The following NRG3 variants were observed in gnomAD, a reference collection of about 807,000 sequenced individuals.
NRG3 encodes pro-neuregulin-3, membrane-bound isoform.
A neutral mutation model predicts 66.9 loss-of-function variants in NRG3; 31 were observed. The ratio of observed to expected loss-of-function variants is 0.46; its 90% CI spans 0.35 to 0.63. NRG3 has a LOEUF of 0.63. NRG3 is among the 20% of genes least tolerant of loss of function. The pLI is 0.00. For synonymous variants in NRG3, 393 were observed against 359.4 expected (o/e 1.09, Z -1.06); for missense variants, 910 against 878.9 (o/e 1.04, Z -0.45).
At chr10:82,472,635 A>G (rs1841374664) in intron 2 of NRG3, among the ~76,000 whole-genome samples, 1 of 152,180 alleles carries the variant, frequency 6.6e-6, no homozygotes, top group Non-Finnish European at 1.5e-5. Context: ...ACCTCAGGGG[A>G]GACATTTAAA....
At chr10:82,357,776 G>C (rs1345399457) in intron 1 of NRG3, among the ~76,000 whole-genome samples, 1 of 152,134 alleles carries the variant, frequency 6.6e-6, no homozygotes, top group East Asian at 1.9e-4. Flanking sequence ...ATGGAATTTG[G>C]GAGACACATT....
intron 1 of NRG3, among the ~76,000 whole-genome samples, chr10:82,343,974 C>A (rs1399213053): frequency 1.3e-5 from 2 of 152,104 alleles, no homozygotes; most frequent in Non-Finnish European, 1.5e-5. Context: ...TCCATACATA[C>A]TTTCCAGACA....
At chr10:82,593,799 A>T (rs891344206) in intron 2 of NRG3, among the ~76,000 whole-genome samples, 2 of 152,064 alleles carry the variant, frequency 1.3e-5, no homozygotes, top group Non-Finnish European at 1.5e-5. Flanking sequence ...CATATATTGA[A>T]CATATATGTC....
intron 3 of NRG3, among the ~76,000 whole-genome samples, chr10:82,758,210 T>A (rs1591430222): frequency 6.6e-6 from 1 of 152,116 alleles, no homozygotes; most frequent in East Asian, 1.9e-4. Context: ...TCTGTGTTTT[T>A]CCAAGTGTCT....
intron 2 of NRG3, among the ~76,000 whole-genome samples, chr10:82,529,574 C>G (rs1847058743): frequency 6.6e-6 from 1 of 152,110 alleles, no homozygotes; most frequent in Non-Finnish European, 1.5e-5. Context: ...AGCAGTAGCT[C>G]AAATAAACAG....
At chr10:82,685,679 A>T (rs2134159735) in intron 2 of NRG3, among the ~76,000 whole-genome samples, 2 of 152,312 alleles carry the variant, frequency 1.3e-5, no homozygotes, top group South Asian at 4.1e-4. Flanking sequence ...GTTTTGTAGT[A>T]ATACTTAGTT....
chr10:82,670,727 A>C (rs573301246), intron 2 of NRG3, among the ~76,000 whole-genome samples: 12 of 152,286 alleles, frequency 7.9e-5, no homozygotes, highest in East Asian at 1.9e-4. Context: ...CTTCAAGAAA[A>C]AAAACAAAAC....
chr10:82,451,654 A>G (rs1353718269), intron 2 of NRG3, among the ~76,000 whole-genome samples: 1 of 152,098 alleles, frequency 6.6e-6, no homozygotes, highest in Non-Finnish European at 1.5e-5. Context: ...CGACTGAAAA[A>G]TCTTAACAGG....
At chr10:82,081,200 T>A (rs2065370748) in intron 1 of NRG3, among the ~76,000 whole-genome samples, 1 of 152,160 alleles carries the variant, frequency 6.6e-6, no homozygotes. Context: ...GGGGCTTCTG[T>A]AAATATGAAC....
chr10:82,561,472 C>T (rs561072250), intron 2 of NRG3, among the ~76,000 whole-genome samples: 125 of 152,190 alleles, frequency 8.2e-4, no homozygotes, highest in South Asian at 1.7e-3. Context: ...AGTAACATGG[C>T]GAAACCTCGC....
At chr10:82,363,342 C>T (rs2084307646) in intron 2 of NRG3, among the ~76,000 whole-genome samples, 1 of 152,196 alleles carries the variant, frequency 6.6e-6, no homozygotes, top group African/African-American at 2.4e-5. Flanking sequence ...GGTAAGGGGG[C>T]TGTGAAAACA....
At chr10:82,036,554 G>T (rs2062800783) in intron 1 of NRG3, among the ~76,000 whole-genome samples, 1 of 151,998 alleles carries the variant, frequency 6.6e-6, no homozygotes, top group Non-Finnish European at 1.5e-5. Context: ...TAAAATAAAG[G>T]CATGGTTTTT....
At chr10:82,223,970 C>T (rs757682392) in intron 1 of NRG3, among the ~76,000 whole-genome samples, 2 of 152,128 alleles carry the variant, frequency 1.3e-5, no homozygotes, top group Admixed American at 6.6e-5. Flanking sequence ...TCTGTCTTAT[C>T]ATGACAGAAA....
chr10:82,900,291 C>T (rs773176074), intron 4 of NRG3, among the ~76,000 whole-genome samples: 3 of 152,152 alleles, frequency 2.0e-5, no homozygotes, highest in South Asian at 4.1e-4. Context: ...GGTGGGGACA[C>T]GCATCCAATC....
At chr10:82,157,095 T>A (rs1329965940) in intron 1 of NRG3, among the ~76,000 whole-genome samples, 1 of 151,680 alleles carries the variant, frequency 6.6e-6, no homozygotes, top group Non-Finnish European at 1.5e-5. Context: ...GCTTTGGGTA[T>A]CTTTGAATGT....
intron 2 of NRG3, among the ~76,000 whole-genome samples, chr10:82,383,185 C>T (rs1327610538): frequency 1.3e-5 from 2 of 151,908 alleles, no homozygotes; most frequent in Admixed American, 6.6e-5. Flanking sequence ...AATTTTTTGA[C>T]AGCTTCCCAA....
At chr10:82,408,088 A>AG (rs1380149204) in intron 2 of NRG3, among the ~76,000 whole-genome samples, 346 of 65,520 alleles carry the variant, frequency 5.3e-3, no homozygotes, top group African/African-American at 9.8e-3. Context: ...AGAGAGACAG[A>AG]AAGAAAGAAA....
chr10:82,737,791 T>C (rs1488519902), intron 2 of NRG3, among the ~76,000 whole-genome samples: 1 of 152,144 alleles, frequency 6.6e-6, no homozygotes, highest in Admixed American at 6.5e-5. Flanking sequence ...TTGAGCGAGC[T>C]ATGTGAAGAC....
rs5786573 is a variant in NRG3, at chr10:82,827,204, TAAAAAA to T, written c.1028-38184_1028-38179del. ...TGTGAGACTTTTTGTTACCAAATTGTAAAAAAAAAAAAAAAAAAAAAAAAAAAATCA... is the reference window on the plus strand; with the variant it reads ...TGTGAGACTTTTTGTTACCAAATTGTAAAAAAAAAAAAAAAAAAAAAATCA... On this transcript the variant is annotated intron_variant, in intron 3 of 8. Transcript: ENST00000372141. The T allele has an allele frequency of 4.0e-3, 777 of 193,058 alleles. 4 individuals carry two copies. Among genetic ancestry groups the T allele is most frequent in the African/African-American group, 0.02 (573 of 28,798 alleles). The allele number at this position is 193,058 out of a possible 1,614,324, so 12.0% of individuals were successfully genotyped here. A position where few individuals can be genotyped will look rare whatever the true frequency, so the allele number is the denominator to read the frequency against.
Sources: allele counts gnomAD v4.1 joint callset (sites outside exome capture counted in the v4.1 genomes callset), GRCh38; gene constraint gnomAD v4.1.1; transcripts MANE v1.5; gene names NCBI Gene and HGNC (gene_info 2026-07-23, HGNC 2026-07-21).